Variants in CERK observed in about 807,000 individuals in gnomAD.
The protein encoded by CERK is ceramide kinase, also known as acylsphingosine kinase.
A neutral mutation model predicts 63.4 loss-of-function variants in CERK; 39 were observed. The ratio of observed to expected loss-of-function variants is 0.61; its 90% CI spans 0.48 to 0.80. The LOEUF is 0.80. Ranked by LOEUF, CERK falls within the 30% of genes least tolerant of loss-of-function variation. The pLI, the probability that CERK is intolerant of heterozygous loss-of-function variation, is 0.00. For synonymous variants in CERK, 302 were observed against 280.0 expected (o/e 1.08, Z -0.78); for missense variants, 670 against 714.1 (o/e 0.94, Z 0.70).
At chr22:46,703,272 T>C (rs1326091906) in intron 6 of CERK, among the ~76,000 whole-genome samples, 2 of 152,142 alleles carry the variant, frequency 1.3e-5, no homozygotes, top group Admixed American at 1.3e-4. Context: ...TCCAGTGACA[T>C]CTGTCCCGGA....
chr22:46,699,918 G>C (rs973262113), intron 7 of CERK, among the ~76,000 whole-genome samples: 4 of 152,180 alleles, frequency 2.6e-5, no homozygotes, highest in Admixed American at 6.5e-5. Flanking sequence ...GTGAAACCTT[G>C]TCTCTACTAA....
rs560044116 is a variant in CERK at position 46,713,262 on chromosome 22, T to G, written c.380-969A>C. Among the ~76,000 whole-genome samples the G allele has an allele frequency of 2.0e-5, 3 of 151,920 alleles. No individual in the cohort carries two copies. In the South Asian group the frequency reaches 6.3e-4, roughly 32 times the overall value. The stretch of plus-strand genomic sequence containing the variant: ...GCTCATGCCTGTAATCCCAGCACTT[T>G]GGGAGGCCGAGGTGGGCGGATCACG... On this transcript the variant is annotated intron_variant, in intron 3 of 12. Coordinates refer to ENST00000216264, the MANE Select transcript of CERK (RefSeq NM_022766.6).
intron 11 of CERK, among the ~76,000 whole-genome samples, chr22:46,690,969 ATATGTATGTATGTGTGTATATG>A (rs2082727378): frequency 6.6e-6 from 1 of 151,668 alleles, no homozygotes; most frequent in African/African-American, 2.4e-5. Flanking sequence ...ATGTGTGTGT[ATATGTATGTATGTGTGTATATG>A]TATGTATGTG....
At chr22:46,722,154 C>CTA (rs2082895462) in intron 1 of CERK, among the ~76,000 whole-genome samples, 1 of 152,160 alleles carries the variant, frequency 6.6e-6, no homozygotes, top group Non-Finnish European at 1.5e-5. Flanking sequence ...CCTAGGTTGG[C>CTA]TATAAAACCT....
In CERK at chr22:46,691,796, C is replaced by T. The variant is rs374955608; in HGVS notation, c.1127-19G>A. The T allele has an allele frequency of 1.0e-5, 16 of 1,595,670 alleles. No individual in the cohort carries two copies. Among genetic ancestry groups the T allele is most frequent in the Middle Eastern group, 1.9e-4 (1 of 5,214 alleles). ...ACGTCCTCTGAAGCACAAAGAACCA[C>T]GGAGATGTCACAGTTACAATGGCGC... On this transcript the variant is annotated intron_variant, in intron 10 of 12. Coordinates refer to ENST00000216264, the MANE Select transcript of CERK (RefSeq NM_022766.6).
intron 1 of CERK, among the ~76,000 whole-genome samples, chr22:46,733,541 G>A (rs954173047): frequency 2.6e-5 from 4 of 151,392 alleles, no homozygotes; most frequent in East Asian, 2.0e-4. Flanking sequence ...TGATCCACCC[G>A]CCTCGGCCTC....
At chr22:46,733,208 CA>C (rs35759818) in intron 1 of CERK, among the ~76,000 whole-genome samples, 37,138 of 77,552 alleles carry the variant, frequency 0.48, 7,185 homozygotes, top group Middle Eastern at 0.58. Flanking sequence ...GACTCTGTCT[CA>C]AAAAAAAAAA....
At chr22:46,693,234 C>T (rs983372496) in intron 10 of CERK, among the ~76,000 whole-genome samples, 193 bp downstream of exon 10, 6 of 152,190 alleles carry the variant, frequency 3.9e-5, no homozygotes, top group Non-Finnish European at 7.3e-5. Flanking sequence ...ACCCACTGCT[C>T]CACACAGCCA....
chr22:46,725,887 C>G (rs542556837), intron 1 of CERK, among the ~76,000 whole-genome samples: 4 of 152,378 alleles, frequency 2.6e-5, no homozygotes, highest in African/African-American at 9.6e-5. Context: ...CCAGCTGCTT[C>G]TTTTTCCATT....
At position 46,707,969 on chromosome 22, in the gene CERK, C is replaced by A. The variant is rs772192423; in HGVS notation, c.589G>T (p.Asp197Tyr). ...KYDGIVCVGG[D>Y]GMFSEVLHGL... ...TGCAGCACCTCGCTGAACATACCAT[C>A]TCCGCCGACACAGACGATGCTGCAG... The change falls in exon 6 of 13, where the codon GAT (aspartate) becomes TAT (tyrosine). Residue 197 changes from aspartate to tyrosine, a missense_variant. Coordinates refer to ENST00000216264, the MANE Select transcript of CERK (RefSeq NM_022766.6). 1 of 1,610,656 alleles carries A rather than the reference C, an allele frequency of 6.2e-7. No individual in the cohort carries two copies. The highest frequency in any genetic ancestry group is 8.5e-7 in the Non-Finnish European group (1 of 1,177,998).
At chr22:46,704,987 G>A (rs541491426) in intron 6 of CERK, among the ~76,000 whole-genome samples, 29 of 152,336 alleles carry the variant, frequency 1.9e-4, no homozygotes, top group Admixed American at 5.9e-4. Flanking sequence ...CAAATAAAGA[G>A]AGTAAATAAA....
intron 8 of CERK, among the ~76,000 whole-genome samples, chr22:46,698,504 G>A (rs950680680): frequency 2.0e-5 from 3 of 152,220 alleles, no homozygotes; most frequent in Admixed American, 2.0e-4. Context: ...TGTGCCTGAA[G>A]TTACAGAAGA....
At chr22:46,722,243 T>C (rs1404460510) in intron 1 of CERK, among the ~76,000 whole-genome samples, 2 of 152,228 alleles carry the variant, frequency 1.3e-5, no homozygotes, top group Non-Finnish European at 2.9e-5. Context: ...TAATTTTGCA[T>C]CATTTTTAAA....
In CERK at chr22:46,732,336, G is replaced by C. The variant is rs1037531992; in HGVS notation, c.142+5671C>G. On this transcript the variant is annotated intron_variant, in intron 1 of 12. Coordinates refer to ENST00000216264, the MANE Select transcript of CERK (RefSeq NM_022766.6). ...GAGATGCATCCTGGACCAGCTACAGGTTCCTGAGATAACCCTCAAAAGGCA... is the reference window on the plus strand; with the variant it reads ...GAGATGCATCCTGGACCAGCTACAGCTTCCTGAGATAACCCTCAAAAGGCA... Among the ~76,000 whole-genome samples, 4 of 151,032 alleles carry C rather than the reference G, an allele frequency of 2.6e-5. No individual in the cohort carries two copies. In the East Asian group the frequency reaches 5.9e-4, roughly 22 times the overall value.
intron 2 of CERK, among the ~76,000 whole-genome samples, chr22:46,720,451 T>C (rs994926250): frequency 1.3e-5 from 2 of 152,230 alleles, no homozygotes; most frequent in Non-Finnish European, 2.9e-5. Flanking sequence ...ATCCAGCACT[T>C]TGGGAGGCTG....
intron 1 of CERK, 122 bp downstream of exon 1, chr22:46,737,885 C>A (rs2082983204): frequency 6.0e-6 from 4 of 665,426 alleles, no homozygotes; most frequent in Non-Finnish European, 8.0e-6. Context: ...GCCTGCGCTC[C>A]CAGGGCCCCC....
chr22:46,708,552 G>A, intron 5 of CERK, among the ~76,000 whole-genome samples: 1 of 152,244 alleles, frequency 6.6e-6, no homozygotes, highest in East Asian at 1.9e-4. Context: ...GAGCAGAGGG[G>A]ACGGAATAAA....
rs202104193 is a variant in CERK at position 46,720,159 on chromosome 22, C to A, written c.306G>T (p.Val102=). The A allele has an allele frequency of 6.2e-7, 1 of 1,614,120 alleles. No homozygotes were observed. Among genetic ancestry groups the A allele is most frequent in the East Asian group, 2.2e-5 (1 of 44,894 alleles). The change falls in exon 3 of 13, where the codon GTG becomes GTT. Residue 102 remains valine, a synonymous_variant. Transcript: ENST00000216264. ...GCTGCTCCTCTGGACACCAGAAAGT[C>A]ACCTGCGCCCACTTCCAGCGGTGCC... ...ARRHRWKWAQ[V]TFWCPEEQLC...
chr22:46,720,375 T>C (rs1460549327), intron 2 of CERK, among the ~76,000 whole-genome samples, 167 bp from the exon 3 acceptor site: 2 of 152,138 alleles, frequency 1.3e-5, no homozygotes, highest in African/African-American at 4.8e-5. Context: ...GAAAAAAACA[T>C]CCGATCTTTC....
Sources: allele counts gnomAD v4.1 joint callset (sites outside exome capture counted in the v4.1 genomes callset), GRCh38; gene constraint gnomAD v4.1.1; transcripts MANE v1.5; gene names NCBI Gene and HGNC (gene_info 2026-07-23, HGNC 2026-07-21).